Variants in SPDYE3 observed in about 807,000 individuals in gnomAD.
SPDYE3 encodes speedy/RINGO cell cycle regulator family member E3.
SPDYE3 carries 15 observed loss-of-function variants against 55.0 expected under a neutral mutation model. The observed-to-expected ratio is 0.27, with a 90% CI of 0.18 to 0.42. The LOEUF is 0.42. SPDYE3 is among the 10% of genes least tolerant of loss of function. The pLI is 1.00. For synonymous variants in SPDYE3, 89 were observed against 229.9 expected (o/e 0.39, Z 5.55); for missense variants, 236 against 576.7 (o/e 0.41, Z 6.05).
intron 7 of SPDYE3, 86 bp downstream of exon 7, chr7:100,315,929 C>T: frequency 6.4e-7 from 1 of 1,570,336 alleles, no homozygotes; most frequent in Non-Finnish European, 8.7e-7. Flanking sequence ...AGTTCTCCCT[C>T]CACCACCTCC....
chr7:100,315,705 C>A, intron 6 of SPDYE3, 80 bp from the exon 7 acceptor site: 1 of 1,593,414 alleles, frequency 6.3e-7, no homozygotes, highest in Non-Finnish European at 8.5e-7. Context: ...CCCCGGGAGG[C>A]ACACTTCTCC....
intron 1 of SPDYE3, among the ~76,000 whole-genome samples, chr7:100,308,708 C>T (rs1409050728): frequency 2.7e-5 from 4 of 146,328 alleles, no homozygotes; most frequent in African/African-American, 7.6e-5. Context: ...GATTCTGTCT[C>T]GAAACAAAAA....
intron 6 of SPDYE3, 67 bp from the exon 7 acceptor site, chr7:100,315,718 A>G (rs370049654): frequency 3.1e-6 from 5 of 1,595,732 alleles, no homozygotes; most frequent in African/African-American, 2.7e-5. Flanking sequence ...ACTTCTCCTC[A>G]CTGCCCTGCT....
At position 100,319,681 on chromosome 7, in the gene SPDYE3, TATG is replaced by T. The variant is rs777828553; in HGVS notation, c.1464_1466del (p.Leu488_Cys489delinsPhe). The stretch of plus-strand genomic sequence containing the variant: ...TTGCGCCCTAAGCATTGGTTCCAGT[TATG>T]CCGTCCCATGAACCCGAGGGCCAGG... On this transcript the variant is annotated inframe_deletion, in exon 9 of 11. Transcript: ENST00000332397. 59 of 1,614,126 alleles carry T rather than the reference TATG, an allele frequency of 3.7e-5. No homozygotes were observed. Among genetic ancestry groups the T allele is most frequent in the Non-Finnish European group, 5.9e-6 (7 of 1,180,044 alleles).
intron 2 of SPDYE3, among the ~76,000 whole-genome samples, chr7:100,309,614 G>A (rs1350492208): frequency 2.2e-5 from 3 of 135,674 alleles, no homozygotes; most frequent in Admixed American, 1.4e-4. Context: ...CCAGCTACTC[G>A]GGAGGCTGAG....
At chr7:100,319,112 T>C (rs1040067015) in intron 8 of SPDYE3, among the ~76,000 whole-genome samples, 2 of 152,082 alleles carry the variant, frequency 1.3e-5, no homozygotes, top group African/African-American at 4.8e-5. Flanking sequence ...GGTTTCTCTG[T>C]GTTGGCCAGG....
At chr7:100,319,516 G>A in intron 8 of SPDYE3, 49 bp from the exon 9 acceptor site, 4 of 1,613,510 alleles carry the variant, frequency 2.5e-6, no homozygotes, top group Non-Finnish European at 3.4e-6. Context: ...CTCAGCCGGA[G>A]GTCTCTCCTG....
chr7:100,308,608 C>T (rs1407884930), intron 1 of SPDYE3, among the ~76,000 whole-genome samples: 1 of 151,690 alleles, frequency 6.6e-6, no homozygotes. Flanking sequence ...ACCTGAGAGG[C>T]TGAGGCAGGA....
intron 8 of SPDYE3, among the ~76,000 whole-genome samples, chr7:100,318,449 T>C (rs986401116): frequency 1.3e-5 from 2 of 152,172 alleles, no homozygotes; most frequent in Non-Finnish European, 1.5e-5. Context: ...TCCTTCCAAA[T>C]GCCCTCCACT....
intron 6 of SPDYE3, among the ~76,000 whole-genome samples, chr7:100,315,204 A>G (rs373347432): frequency 2.6e-5 from 4 of 152,134 alleles, no homozygotes; most frequent in African/African-American, 9.7e-5. Flanking sequence ...GCTTAAACCC[A>G]GGAGGCAGAG....
chr7:100,315,306 A>T (rs148853830), intron 6 of SPDYE3, among the ~76,000 whole-genome samples: 20,846 of 151,980 alleles, frequency 0.14, 1,798 homozygotes, highest in Non-Finnish European at 0.19. Flanking sequence ...AAATAAAAAT[A>T]AAAATCAAAC....
At position 100,317,349 on chromosome 7, in the gene SPDYE3, T is replaced by C. The variant is rs182247490; in HGVS notation, c.1346+194T>C. Among the ~76,000 whole-genome samples the C allele has an allele frequency of 2.4e-3, 365 of 152,342 alleles. 1 individual carries two copies. Among genetic ancestry groups the C allele is most frequent in the South Asian group, 5.0e-3 (24 of 4,828 alleles). ...GGCTGGGCATGGTGGCTCAGGCCTG[T>C]AATCCCAGCACTTTGGGAGGCCGAG... On this transcript the variant is annotated intron_variant, in intron 8 of 10. Coordinates refer to ENST00000332397, the MANE Select transcript of SPDYE3 (RefSeq NM_001004351.5).
At chr7:100,316,992 C>A (rs1279546345) in intron 7 of SPDYE3, 78 bp from the exon 8 acceptor site, 5 of 1,595,226 alleles carry the variant, frequency 3.1e-6, no homozygotes, top group Non-Finnish European at 4.3e-6. Flanking sequence ...CCTCCCCAGA[C>A]CCCCATTCCA....
chr7:100,316,394 A>G (rs1268449966), intron 7 of SPDYE3, among the ~76,000 whole-genome samples: 2 of 152,228 alleles, frequency 1.3e-5, no homozygotes, highest in East Asian at 3.9e-4. Flanking sequence ...GGCTCAAGCA[A>G]TCCTCTTTCC....
intron 1 of SPDYE3, 56 bp downstream of exon 1, chr7:100,308,047 G>A: frequency 6.6e-7 from 1 of 1,504,526 alleles, no homozygotes; most frequent in Non-Finnish European, 8.9e-7. Context: ...CGAAGGAAGG[G>A]GGCCAGGTGC....
At chr7:100,318,187 G>C (rs1200884328) in intron 8 of SPDYE3, among the ~76,000 whole-genome samples, 2 of 152,054 alleles carry the variant, frequency 1.3e-5, no homozygotes, top group Non-Finnish European at 2.9e-5. Context: ...GGTCCCCCTT[G>C]CATCACTTGA....
intron 2 of SPDYE3, among the ~76,000 whole-genome samples, chr7:100,309,752 A>G (rs992714463): frequency 7.7e-5 from 11 of 143,438 alleles, no homozygotes; most frequent in Admixed American, 6.2e-4. Flanking sequence ...GAAAAAAAAG[A>G]AGGGTCAGAG....
intron 8 of SPDYE3, among the ~76,000 whole-genome samples, chr7:100,317,648 A>G (rs890536668): frequency 6.7e-6 from 1 of 149,370 alleles, no homozygotes; most frequent in African/African-American, 2.5e-5. Context: ...AAAAAACCAA[A>G]CTCCAATGCC....
rs1789585817 is a variant in SPDYE3, at chr7:100,321,810, A to ATTTTATTTATTTAAATATTTATTAAATAT, written c.*966_*994dup. On this transcript the variant is annotated 3_prime_UTR_variant, in exon 11 of 11. Coordinates refer to ENST00000332397, the MANE Select transcript of SPDYE3 (RefSeq NM_001004351.5). ...ATGGGCAAAGAATTATTTAAATATT[A>ATTTTATTTATTTAAATATTTATTAAATAT]TTTTATTTATTTAAATATTTATTAA... is the stretch of plus-strand genomic sequence containing the variant. 3 of 147,710 alleles carry ATTTTATTTATTTAAATATTTATTAAATAT rather than the reference A, an allele frequency of 2.0e-5. No individual in the cohort carries two copies. The highest frequency in any genetic ancestry group is 4.5e-5 in the Non-Finnish European group (3 of 67,146). 9.1% of individuals were successfully genotyped at this position (147,710 alleles called of 1,614,324 possible).
Sources: allele counts gnomAD v4.1 joint callset (sites outside exome capture counted in the v4.1 genomes callset), GRCh38; gene constraint gnomAD v4.1.1; transcripts MANE v1.5; gene names NCBI Gene and HGNC (gene_info 2026-07-23, HGNC 2026-07-21).